NUP188: variants seen among roughly 807,000 people sequenced by gnomAD.
NUP188 encodes nucleoporin NUP188.
A neutral mutation model predicts 223.0 loss-of-function variants in NUP188; 97 were observed. The ratio of observed to expected loss-of-function variants is 0.43; its 90% CI spans 0.37 to 0.51. NUP188 has a LOEUF of 0.51. Ranked by LOEUF, NUP188 falls within the 20% of genes least tolerant of loss-of-function variation. The pLI, the probability that NUP188 is intolerant of heterozygous loss-of-function variation, is 0.00. For synonymous variants in NUP188, 869 were observed against 828.0 expected (o/e 1.05, Z -0.85); for missense variants, 1,947 against 2,175.6 (o/e 0.89, Z 2.09).
chr9:128,998,106 T>C (rs375612040), intron 30 of NUP188, 45 bp from the exon 31 acceptor site: 2 of 1,448,394 alleles, frequency 1.4e-6, no homozygotes, highest in African/African-American at 1.4e-5. Flanking sequence ...GCCTCTAAAA[T>C]CTGGAAAATT....
intron 2 of NUP188, among the ~76,000 whole-genome samples, chr9:128,952,213 A>G (rs931238956): frequency 4.6e-5 from 7 of 152,012 alleles, no homozygotes; most frequent in Non-Finnish European, 1.0e-4. Flanking sequence ...CTTGGACAAT[A>G]TGGTGAAACC....
intron 17 of NUP188, 69 bp downstream of exon 17, chr9:128,983,097 G>A: frequency 4.4e-6 from 7 of 1,589,494 alleles, no homozygotes; most frequent in Non-Finnish European, 6.0e-6. Flanking sequence ...CAGTTTGCAG[G>A]AACCTGGACA....
rs191696451 is a variant in NUP188 at position 129,006,034 on chromosome 9, C to G, written c.4870-16C>G. ...TGTTCCTGTTGTCTTAGTTTTTTAC[C>G]CTTGCTTCTCTTCAGCTGGACAAGA... On this transcript the variant is annotated splice_polypyrimidine_tract_variant and intron_variant, in intron 41 of 43. Coordinates refer to ENST00000372577, the MANE Select transcript of NUP188 (RefSeq NM_015354.3). 1.2e-5 allele frequency: 19 copies of G among 1,613,964 alleles called. No homozygotes were observed. In the Admixed American group the frequency reaches 2.5e-4, roughly 21 times the overall value.
At position 128,983,315 on chromosome 9, in the gene NUP188, C is replaced by G; in HGVS notation, c.1819C>G (p.Pro607Ala). 1 of 1,614,128 alleles carries G rather than the reference C, an allele frequency of 6.2e-7. No individual in the cohort carries two copies. Among genetic ancestry groups the G allele is most frequent in the Non-Finnish European group, 8.5e-7 (1 of 1,180,014 alleles). ...LQRLTTVISP[P>A]VDVIASCVNC... is the part of the protein sequence containing the mutation. ...CAGGTTAACGACAGTGATCTCCCCA[C>G]CTGTGGATGTCATTGCTTCTTGTGT... The change falls in exon 18 of 44, where the codon CCT becomes GCT. Residue 607 changes from proline to alanine, a missense_variant. Transcript: ENST00000372577.
Position 129,000,561 on chromosome 9 carries a change from G to A in NUP188, c.3843+756G>A, listed in dbSNP as rs1022155419. 8.7e-5 allele frequency among the ~76,000 whole-genome samples: 13 copies of A among 150,172 alleles called. No homozygotes were observed. The East Asian group carries it at 2.2e-3, about 26-fold the overall frequency. On this transcript the variant is annotated intron_variant, in intron 34 of 43. Coordinates refer to ENST00000372577, the MANE Select transcript of NUP188 (RefSeq NM_015354.3). ...CCTCGATCTCCTGACCTCGTAATCCGCCCGCCTTGATCTCCCAAAGTGCTG... is the reference window on the plus strand; with the variant it reads ...CCTCGATCTCCTGACCTCGTAATCCACCCGCCTTGATCTCCCAAAGTGCTG...
chr9:128,979,519 C>CA (rs1842226062), intron 13 of NUP188, among the ~76,000 whole-genome samples, 192 bp downstream of exon 13: 1 of 152,104 alleles, frequency 6.6e-6, no homozygotes, highest in African/African-American at 2.4e-5. Context: ...GTGATTTGCT[C>CA]AAAGTCACAC....
chr9:128,979,118 G>T, intron 12 of NUP188, 144 bp from the exon 13 acceptor site: 1 of 539,230 alleles, frequency 1.9e-6, no homozygotes, highest in East Asian at 3.2e-5. Flanking sequence ...TCCCCAGGCT[G>T]CTCTGGAACT....
At chr9:128,957,186 A>C (rs1269300343) in intron 5 of NUP188, among the ~76,000 whole-genome samples, 154 bp downstream of exon 5, 1 of 152,086 alleles carries the variant, frequency 6.6e-6, no homozygotes, top group Non-Finnish European at 1.5e-5. Context: ...TTTAAAAAAA[A>C]CATGACCTGG....
rs762719106 is a variant in NUP188 at position 129,001,736 on chromosome 9, G to A, written c.4044+7G>A. On this transcript the variant is annotated splice_region_variant and intron_variant, in intron 35 of 43. Transcript: ENST00000372577. ...CCTGGCTCGCACTCAGCAGGTAGGA[G>A]GCCAGCCCGAAGGCAGGAGGGAGCG... 1.2e-6 allele frequency: 2 copies of A among 1,612,580 alleles called. No homozygotes were observed. Among genetic ancestry groups the A allele is most frequent in the African/African-American group, 1.3e-5 (1 of 74,890 alleles).
At chr9:128,947,999 AC>A in intron 1 of NUP188, 1 of 379,546 alleles carries the variant, frequency 2.6e-6, no homozygotes. Flanking sequence ...CCATCTCCTC[AC>A]CCAGGGCCCT....
rs554968405 is a variant in NUP188, at chr9:128,963,095, A to G, written c.585+3961A>G. On this transcript the variant is annotated intron_variant, in intron 8 of 43. Coordinates refer to ENST00000372577, the MANE Select transcript of NUP188 (RefSeq NM_015354.3). Reference sequence around the variant, plus strand: ...TTTATGGTTGAGTAGTAAACATTCCATTGTGTGGATATACCATATTTTGTT... The same window carrying G: ...TTTATGGTTGAGTAGTAAACATTCCGTTGTGTGGATATACCATATTTTGTT... Among the ~76,000 whole-genome samples the G allele has an allele frequency of 2.0e-5, 3 of 152,198 alleles. No homozygotes were observed. The East Asian group carries it at 5.8e-4, about 29-fold the overall frequency.
chr9:129,006,014 C>CTGT, intron 41 of NUP188, 36 bp from the exon 42 acceptor site: 2 of 1,611,020 alleles, frequency 1.2e-6, no homozygotes, highest in Admixed American at 1.7e-5. Flanking sequence ...GGAGCTGTTC[C>CTGT]TGTTGTCTTA....
rs756201505 is a variant in NUP188, at chr9:128,999,709, C to T, written c.3747C>T (p.Thr1249=). ...QEEVIALFDQ[T]RHSLALGSAT... is the part of the protein sequence containing the mutation. ...AAGTGATTGCACTCTTCGACCAGAC[C>T]CGCCACAGTCTGGCATTAGGCAGTG... The change falls in exon 34 of 44, where the codon ACC becomes ACT. Residue 1249 remains threonine (T), a synonymous_variant. Transcript: ENST00000372577. 1.5e-5 allele frequency: 25 copies of T among 1,614,110 alleles called. No individual in the cohort carries two copies. The highest frequency in any genetic ancestry group is 4.5e-5 in the East Asian group (2 of 44,882).
intron 22 of NUP188, among the ~76,000 whole-genome samples, chr9:128,987,333 C>T (rs1249127767): frequency 6.6e-6 from 1 of 152,074 alleles, no homozygotes; most frequent in Admixed American, 6.6e-5. Flanking sequence ...TCTATGCATT[C>T]CATCATATGG....
chr9:128,962,980 T>G (rs1841976753), intron 8 of NUP188, among the ~76,000 whole-genome samples: 1 of 152,180 alleles, frequency 6.6e-6, no homozygotes, highest in African/African-American at 2.4e-5. Flanking sequence ...AACCACACAA[T>G]ATGTAGAATT....
intron 8 of NUP188, among the ~76,000 whole-genome samples, chr9:128,962,341 C>T (rs74914022): frequency 2.0e-5 from 3 of 151,374 alleles, no homozygotes; most frequent in African/African-American, 7.3e-5. Flanking sequence ...CTCCACCTCT[C>T]GGGTTCACGC....
chr9:128,984,831 C>T (rs1842309590), intron 19 of NUP188, 69 bp from the exon 20 acceptor site: 2 of 1,006,172 alleles, frequency 2.0e-6, no homozygotes, highest in East Asian at 2.4e-5. Context: ...AACAAGAATG[C>T]TCTATGATTA....
rs1842096410 is a variant in NUP188 at position 128,970,903 on chromosome 9, A to G, written c.1058A>G (p.Asn353Ser). The G allele has an allele frequency of 1.2e-6, 2 of 1,614,090 alleles. No homozygotes were observed. Among genetic ancestry groups the G allele is most frequent in the Non-Finnish European group, 1.7e-6 (2 of 1,180,006 alleles). The change falls in exon 11 of 44, where the codon AAT (asparagine) becomes AGT (serine). Residue 353 changes from asparagine to serine, a missense_variant. By Grantham distance (46) the Asn-to-Ser change is conservative. Coordinates refer to ENST00000372577, the MANE Select transcript of NUP188 (RefSeq NM_015354.3). Reference protein sequence around the residue: ...RKIGGTAIQLNVFQYLTRLLQ... With the variant: ...RKIGGTAIQLSVFQYLTRLLQ... ...ATAGGTGGCACAGCCATCCAGCTGA[A>G]TGTGTTTCAGTACTTGACCCGATTG... is the stretch of plus-strand genomic sequence containing the variant.
intron 34 of NUP188, among the ~76,000 whole-genome samples, chr9:129,001,170 C>T (rs747820289): frequency 6.7e-6 from 1 of 148,590 alleles, no homozygotes; most frequent in African/African-American, 2.5e-5. Flanking sequence ...GAGGTGGCAT[C>T]GGGCAGGGTC....
Sources: allele counts gnomAD v4.1 joint callset (sites outside exome capture counted in the v4.1 genomes callset), GRCh38; gene constraint gnomAD v4.1.1; transcripts MANE v1.5; gene names NCBI Gene and HGNC (gene_info 2026-07-23, HGNC 2026-07-21).